The following MAML2 variants were observed in gnomAD, a reference collection of about 807,000 sequenced individuals.
MAML2 encodes the protein mastermind like transcriptional coactivator 2.
A neutral mutation model predicts 96.1 loss-of-function variants in MAML2; 22 were observed. That is an observed-to-expected ratio of 0.23 (90% CI 0.16 to 0.33). The LOEUF is 0.33. MAML2 is among the 10% of genes least tolerant of loss of function. The pLI is 1.00. For synonymous variants in MAML2, 561 were observed against 521.3 expected (o/e 1.08, Z -1.04); for missense variants, 1,367 against 1,392.4 (o/e 0.98, Z 0.29).
intron 1 of MAML2, among the ~76,000 whole-genome samples, chr11:96,200,188 A>G (rs1014685667): frequency 5.3e-5 from 8 of 152,204 alleles, no homozygotes; most frequent in Non-Finnish European, 7.3e-5. Flanking sequence ...AAATGTAAAC[A>G]TGACCCTAAT....
intron 1 of MAML2, among the ~76,000 whole-genome samples, chr11:96,313,362 A>G (rs1339989885): frequency 1.3e-5 from 2 of 152,156 alleles, no homozygotes; most frequent in Non-Finnish European, 2.9e-5. Flanking sequence ...CAATGTAAGC[A>G]GCTCTCCGGG....
chr11:96,206,799 C>T (rs2135935193), intron 1 of MAML2, among the ~76,000 whole-genome samples: 1 of 152,166 alleles, frequency 6.6e-6, no homozygotes, highest in Non-Finnish European at 1.5e-5. Flanking sequence ...AGCCCTGCAA[C>T]TCCATATTAT....
chr11:96,262,878 G>A (rs933942051), intron 1 of MAML2, among the ~76,000 whole-genome samples: 1 of 152,106 alleles, frequency 6.6e-6, no homozygotes, highest in Non-Finnish European at 1.5e-5. Flanking sequence ...GCACCTTCTG[G>A]CTTATTTTCA....
chr11:96,334,756 C>T (rs1423581480), intron 1 of MAML2, among the ~76,000 whole-genome samples: 1 of 152,234 alleles, frequency 6.6e-6, no homozygotes, highest in South Asian at 2.1e-4. Flanking sequence ...TGCATACAAT[C>T]TTGACGTAAG....
intron 2 of MAML2, among the ~76,000 whole-genome samples, chr11:96,048,123 G>T (rs1180754952): frequency 3.3e-5 from 5 of 151,966 alleles, no homozygotes; most frequent in African/African-American, 1.2e-4. Flanking sequence ...GCTCTGTTTG[G>T]ACAGCCAGTA....
At chr11:96,025,316 T>C (rs1055023722) in intron 2 of MAML2, among the ~76,000 whole-genome samples, 1 of 152,100 alleles carries the variant, frequency 6.6e-6, no homozygotes, top group African/African-American at 2.4e-5. Flanking sequence ...CCAAGTAGTG[T>C]ATGTTCTCAC....
chr11:96,019,195 T>C (rs1858399875), intron 2 of MAML2, among the ~76,000 whole-genome samples: 2 of 152,202 alleles, frequency 1.3e-5, no homozygotes, highest in Admixed American at 6.5e-5. Flanking sequence ...AATGCCTTAA[T>C]GTAAATTCTT....
chr11:96,088,769 AT>A (rs538959424), intron 2 of MAML2, among the ~76,000 whole-genome samples: 63 of 152,290 alleles, frequency 4.1e-4, no homozygotes, highest in African/African-American at 1.5e-3. Context: ...CTCAGGCATC[AT>A]TTACCTGTAG....
chr11:96,015,962 A>C (rs754591769), intron 2 of MAML2, among the ~76,000 whole-genome samples: 2 of 152,138 alleles, frequency 1.3e-5, no homozygotes, highest in Non-Finnish European at 1.5e-5. Context: ...AAATTTCAGG[A>C]GAGGTATGTA....
intron 1 of MAML2, among the ~76,000 whole-genome samples, chr11:96,210,932 T>C (rs914049545): frequency 6.6e-6 from 1 of 152,184 alleles, no homozygotes; most frequent in Non-Finnish European, 1.5e-5. Context: ...GTCTCTTCCT[T>C]TTCTGTGGCT....
chr11:96,180,812 T>C (rs1034452665), intron 1 of MAML2, among the ~76,000 whole-genome samples: 1 of 152,066 alleles, frequency 6.6e-6, no homozygotes, highest in Non-Finnish European at 1.5e-5. Context: ...TTCACCTGGG[T>C]ACAGGCGGGC....
intron 2 of MAML2, among the ~76,000 whole-genome samples, chr11:96,051,034 C>T (rs1187505051): frequency 7.0e-6 from 1 of 143,558 alleles, no homozygotes; most frequent in African/African-American, 2.4e-5. Context: ...CCCCTGCTGG[C>T]TGTTGCATGT....
chr11:96,201,315 G>A (rs767155515), intron 1 of MAML2, among the ~76,000 whole-genome samples: 2 of 152,128 alleles, frequency 1.3e-5, no homozygotes, highest in African/African-American at 2.4e-5. Context: ...AAGAAGAGAA[G>A]GATGTTTAAT....
intron 1 of MAML2, among the ~76,000 whole-genome samples, chr11:96,149,215 C>T (rs1387722625): frequency 6.6e-6 from 1 of 151,688 alleles, no homozygotes; most frequent in Non-Finnish European, 1.5e-5. Context: ...AGTTTGAGAC[C>T]AGCCTGGCCA....
chr11:96,133,153 AC>A (rs1264123550), intron 1 of MAML2, among the ~76,000 whole-genome samples: 1 of 152,208 alleles, frequency 6.6e-6, no homozygotes, highest in African/African-American at 2.4e-5. Flanking sequence ...TTTCTTGATA[AC>A]TTTTATCCAA....
chr11:96,168,696 C>T (rs758374812), intron 1 of MAML2, among the ~76,000 whole-genome samples: 1 of 152,150 alleles, frequency 6.6e-6, no homozygotes, highest in Non-Finnish European at 1.5e-5. Context: ...GTCCCCTGCA[C>T]AGGGACTGGA....
chr11:96,153,952 T>TAAATAAATAAATAA (rs1555016902), intron 1 of MAML2, among the ~76,000 whole-genome samples: 1 of 141,502 alleles, frequency 7.1e-6, no homozygotes, highest in African/African-American at 2.6e-5. Flanking sequence ...TAAATAAATA[T>TAAATAAATAAATAA]GATAAAACAA....
At chr11:96,121,860 C>A (rs1472653934) in intron 1 of MAML2, among the ~76,000 whole-genome samples, 1 of 127,930 alleles carries the variant, frequency 7.8e-6, no homozygotes, top group South Asian at 2.7e-4. Flanking sequence ...GATCTCGGCT[C>A]TCTGCAAGCT....
intron 1 of MAML2, among the ~76,000 whole-genome samples, chr11:96,097,976 T>G (rs1398203696): frequency 6.6e-6 from 1 of 152,210 alleles, no homozygotes; most frequent in Non-Finnish European, 1.5e-5. Flanking sequence ...GTCCTAATTC[T>G]GAACCACTAG....
Sources: allele counts gnomAD v4.1 joint callset (sites outside exome capture counted in the v4.1 genomes callset), GRCh38; gene constraint gnomAD v4.1.1; transcripts MANE v1.5; gene names NCBI Gene and HGNC (gene_info 2026-07-23, HGNC 2026-07-21).